EPHB1: variants seen among roughly 807,000 people sequenced by gnomAD.
EPHB1 encodes EPH receptor B1.
Under a neutral mutation model 94.4 loss-of-function variants are expected in EPHB1, and 30 were observed. The ratio of observed to expected loss-of-function variants is 0.32; its 90% CI spans 0.24 to 0.43. The LOEUF (loss-of-function observed/expected upper bound fraction) is 0.43. Among genes scored for constraint, EPHB1 ranks in the 20% least tolerant of loss-of-function variants. The pLI is 1.00. For missense variants in EPHB1, 1,055 were observed against 1,308.3 expected, an observed-to-expected ratio of 0.81 and a Z score of 2.99; for synonymous variants, 522 against 489.1, an observed-to-expected ratio of 1.07 and a Z score of -0.89.
intron 3 of EPHB1, among the ~76,000 whole-genome samples, chr3:135,095,556 A>C (rs1938725831): frequency 6.6e-6 from 1 of 151,986 alleles, no homozygotes; most frequent in African/African-American, 2.4e-5. Context: ...TTTCTTCCCA[A>C]TTTCAAGCCT....
chr3:134,803,507 G>C (rs1183222687), intron 1 of EPHB1, among the ~76,000 whole-genome samples: 2 of 152,204 alleles, frequency 1.3e-5, no homozygotes, highest in African/African-American at 4.8e-5. Flanking sequence ...AGCAGGACTG[G>C]AGGTCGGTTT....
intron 1 of EPHB1, among the ~76,000 whole-genome samples, chr3:134,839,633 G>A (rs1238786135): frequency 6.6e-6 from 1 of 152,092 alleles, no homozygotes; most frequent in South Asian, 2.1e-4. Context: ...ATGACCTCCT[G>A]CCAGGCTGAC....
chr3:134,874,190 A>C (rs2037565943), intron 1 of EPHB1, among the ~76,000 whole-genome samples: 1 of 152,218 alleles, frequency 6.6e-6, no homozygotes, highest in Non-Finnish European at 1.5e-5. Context: ...GCAGCCATAA[A>C]AAGGAATGAG....
chr3:135,036,293 A>T (rs1936645751), intron 3 of EPHB1, among the ~76,000 whole-genome samples: 1 of 152,228 alleles, frequency 6.6e-6, no homozygotes, highest in East Asian at 1.9e-4. Flanking sequence ...GACTGAGGCC[A>T]GTGCAACCAA....
At position 134,915,974 on chromosome 3, in the gene EPHB1, C is replaced by T. The variant is rs146379914; in HGVS notation, c.59-9842C>T. On this transcript the variant is annotated intron_variant, in intron 1 of 15. Coordinates refer to ENST00000398015, the MANE Select transcript of EPHB1 (RefSeq NM_004441.5). ...TTCTCTTATCTGGCCCCACCCACAT[C>T]CTGCTGACTGGTCCATTTTACCGAG... Among the ~76,000 whole-genome samples the T allele has an allele frequency of 6.5e-3, 996 of 152,256 alleles. 15 individuals carry two copies. The highest frequency in any genetic ancestry group is 0.023 in the African/African-American group (943 of 41,540).
At chr3:135,229,103 G>A (rs2107723323) in intron 12 of EPHB1, among the ~76,000 whole-genome samples, 1 of 152,290 alleles carries the variant, frequency 6.6e-6, no homozygotes. Context: ...AGCCTTTGAA[G>A]CAGACTCTGC....
chr3:134,938,279 G>A (rs1376507540), intron 2 of EPHB1, among the ~76,000 whole-genome samples: 1 of 152,134 alleles, frequency 6.6e-6, no homozygotes, highest in Non-Finnish European at 1.5e-5. Flanking sequence ...AGGTTACAGT[G>A]CCCCAGGGGT....
At chr3:134,904,481 C>G (rs9850289) in intron 1 of EPHB1, among the ~76,000 whole-genome samples, 9,578 of 152,020 alleles carry the variant, frequency 0.063, 349 homozygotes, top group South Asian at 0.12. Flanking sequence ...GGTCTGTGGT[C>G]TGTGGTGGGG....
intron 4 of EPHB1, among the ~76,000 whole-genome samples, chr3:135,109,596 G>C (rs2107800417): frequency 6.6e-6 from 1 of 152,332 alleles, no homozygotes; most frequent in South Asian, 2.1e-4. Context: ...TGTTGGGGGA[G>C]CCCAGGCTTG....
intron 3 of EPHB1, among the ~76,000 whole-genome samples, chr3:135,049,004 C>T (rs1264503306): frequency 1.3e-5 from 2 of 152,104 alleles, no homozygotes; most frequent in South Asian, 2.1e-4. Flanking sequence ...TATCTATTAC[C>T]CTATAGAAGG....
At chr3:134,807,756 T>C (rs1404171138) in intron 1 of EPHB1, among the ~76,000 whole-genome samples, 1 of 151,932 alleles carries the variant, frequency 6.6e-6, no homozygotes, top group African/African-American at 2.4e-5. Context: ...GTGAACAACA[T>C]TAAGGGAACC....
intron 3 of EPHB1, among the ~76,000 whole-genome samples, chr3:134,989,683 A>G (rs200499549): frequency 7.9e-5 from 12 of 152,242 alleles, no homozygotes; most frequent in Admixed American, 6.5e-5. Flanking sequence ...TCTTTAACAC[A>G]TTAATTTAAT....
At chr3:134,961,390 A>C (rs1933513106) in intron 3 of EPHB1, among the ~76,000 whole-genome samples, 1 of 152,230 alleles carries the variant, frequency 6.6e-6, no homozygotes, top group African/African-American at 2.4e-5. Flanking sequence ...CAGGGATGGA[A>C]CACCGTTACT....
chr3:135,025,360 C>G (rs1275199717), intron 3 of EPHB1, among the ~76,000 whole-genome samples: 2 of 67,598 alleles, frequency 3.0e-5, no homozygotes, highest in Admixed American at 4.0e-4. Flanking sequence ...ATCCCTCCCC[C>G]CTCCCCCCAC....
At chr3:135,067,097 G>C (rs1048715163) in intron 3 of EPHB1, among the ~76,000 whole-genome samples, 1 of 152,198 alleles carries the variant, frequency 6.6e-6, no homozygotes, top group Non-Finnish European at 1.5e-5. Flanking sequence ...GAGGTGGCAG[G>C]GGGGTGAAAT....
chr3:135,150,289 G>T (rs1360354845), intron 5 of EPHB1, among the ~76,000 whole-genome samples: 1 of 152,358 alleles, frequency 6.6e-6, no homozygotes, highest in East Asian at 1.9e-4. Flanking sequence ...TGCAAGGGCA[G>T]CCTGAGAGTC....
chr3:135,167,895 C>G (rs929921034), intron 9 of EPHB1, among the ~76,000 whole-genome samples: 1 of 152,198 alleles, frequency 6.6e-6, no homozygotes, highest in Non-Finnish European at 1.5e-5. Flanking sequence ...GTTTTCTCAG[C>G]AATTAGCATG....
chr3:134,982,530 A>G (rs562283188), intron 3 of EPHB1, among the ~76,000 whole-genome samples: 2 of 152,308 alleles, frequency 1.3e-5, no homozygotes, highest in South Asian at 2.1e-4. Flanking sequence ...TAACCTGATC[A>G]TCAGCTCTGT....
chr3:134,939,192 C>T (rs1025407188), intron 2 of EPHB1, among the ~76,000 whole-genome samples: 15 of 152,170 alleles, frequency 9.9e-5, no homozygotes, highest in African/African-American at 3.6e-4. Context: ...ACCCCCATCC[C>T]CTTGCTGTGA....
Sources: allele counts gnomAD v4.1 joint callset (sites outside exome capture counted in the v4.1 genomes callset), GRCh38; gene constraint gnomAD v4.1.1; transcripts MANE v1.5; gene names NCBI Gene and HGNC (gene_info 2026-07-23, HGNC 2026-07-21).